Variants in ITPKC observed in about 807,000 individuals in gnomAD.
The protein encoded by ITPKC is IP3 3-kinase C.
In ITPKC, 33 loss-of-function variants were observed where a neutral mutation model predicts 67.1. The observed-to-expected ratio is 0.49, with a 90% CI of 0.37 to 0.66. The LOEUF is 0.66. Among genes scored for constraint, ITPKC ranks in the 30% least tolerant of loss-of-function variants. The pLI is 0.00. For missense variants in ITPKC, 820 were observed against 892.1 expected (o/e 0.92, Z 1.03); for synonymous variants, 341 against 359.8 (o/e 0.95, Z 0.59).
intron 5 of ITPKC, among the ~76,000 whole-genome samples, chr19:40,737,479 G>T (rs538636921): frequency 6.6e-6 from 1 of 152,206 alleles, no homozygotes; most frequent in Non-Finnish European, 1.5e-5. Flanking sequence ...CTCCGCCTCC[G>T]GATGGGAGTG....
chr19:40,717,187 C>T lies in ITPKC; in HGVS notation c.52C>T (p.Leu18=). 8.2e-7 allele frequency: 1 copy of T among 1,225,822 alleles called. No homozygotes were observed. Among genetic ancestry groups the T allele is most frequent in the Non-Finnish European group, 1.0e-6 (1 of 984,374 alleles). The allele number at this position is 1,225,822 out of a possible 1,614,324, so 75.9% of individuals were successfully genotyped here. ...CCTGAACGAGGCGGAGGCCGGGGCG[C>T]TGCCCGCGGCGGCCCGCATGGGACT... The part of the protein sequence containing the change: ...GSLNEAEAGA[L]PAAARMGLEA... The change falls in exon 1 of 7, where the codon CTG becomes TTG. Residue 18 remains leucine, a synonymous_variant. Coordinates refer to ENST00000263370, the MANE Select transcript of ITPKC (RefSeq NM_025194.3).
At position 40,739,435 on chromosome 19, in the gene ITPKC, G is replaced by A; in HGVS notation, c.1927G>A (p.Val643Met). The change falls in exon 7 of 7, where the codon GTG becomes ATG. Residue 643 changes from valine (V) to methionine (M), a missense_variant. This residue lies in a region of ITPKC where 339 missense variants were observed against 422.0 expected (regional missense o/e 0.80). Transcript: ENST00000263370. The part of the protein sequence containing the change: ...KVWMIDFGKT[V>M]ALPDHQTLSH... The stretch of plus-strand genomic sequence containing the variant: ...CTGGATGATAGACTTCGGCAAGACG[G>A]TGGCCTTGCCCGACCACCAGACGCT... The A allele has an allele frequency of 6.2e-7, 1 of 1,613,628 alleles. No homozygotes were observed. The highest frequency in any genetic ancestry group is 8.5e-7 in the Non-Finnish European group (1 of 1,179,992).
In ITPKC at chr19:40,725,400, C is replaced by T. The variant is rs1251089652; in HGVS notation, c.1216C>T (p.Arg406Ter). Reference protein sequence around the residue: ...LKYSPFVVSFRKHYPWVQLSG... With the variant: ...LKYSPFVVSF ...GTATTCACCCTTTGTGGTCTCCTTCCGAAAACACTACCCTTGGGTCCAGCT... is the reference window on the plus strand; with the variant it reads ...GTATTCACCCTTTGTGGTCTCCTTCTGAAAACACTACCCTTGGGTCCAGCT... The change falls in exon 2 of 7, where the codon CGA (arginine) becomes TGA (stop). Residue 406 changes from arginine to a stop codon, truncating the protein, a stop_gained. Coordinates refer to ENST00000263370, the MANE Select transcript of ITPKC (RefSeq NM_025194.3). LOFTEE classifies it high-confidence loss of function. 7 of 1,613,582 alleles carry T rather than the reference C, an allele frequency of 4.3e-6. No individual in the cohort carries two copies. The highest frequency in any genetic ancestry group is 1.3e-5 in the African/African-American group (1 of 74,920).
At position 40,729,608 on chromosome 19, in the gene ITPKC, A is replaced by G. The variant is rs2082261594; in HGVS notation, c.1469+193A>G. ...TGGTGAAGCCCTGTCTCTACTAAAA[A>G]TACAAAAAATTAGCCAGGCGTGGTG... On this transcript the variant is annotated intron_variant, in intron 3 of 6. Coordinates refer to ENST00000263370, the MANE Select transcript of ITPKC (RefSeq NM_025194.3). Among the ~76,000 whole-genome samples, 4 of 152,248 alleles carry G rather than the reference A, an allele frequency of 2.6e-5. No individual in the cohort carries two copies. The South Asian group carries it at 8.3e-4, about 32-fold the overall frequency.
chr19:40,733,274 C>G lies in ITPKC; in HGVS notation c.1584C>G (p.Ala528=). The G allele has an allele frequency of 6.2e-7, 1 of 1,614,096 alleles. No individual in the cohort carries two copies. The highest frequency in any genetic ancestry group is 8.5e-7 in the Non-Finnish European group (1 of 1,179,998). ...GGGCCCCTACCCCTGAGGAGCATGC[C>G]CAGGGTGCAGTCACCAAGCCCCGCT... ...DPGAPTPEEH[A]QGAVTKPRYM... is the part of the protein sequence containing the mutation. The change falls in exon 4 of 7, where the codon GCC becomes GCG. Residue 528 remains alanine, a synonymous_variant. Coordinates refer to ENST00000263370, the MANE Select transcript of ITPKC (RefSeq NM_025194.3).
chr19:40,726,072 C>T (rs1277443698), intron 2 of ITPKC, among the ~76,000 whole-genome samples: 1 of 152,058 alleles, frequency 6.6e-6, no homozygotes, highest in Non-Finnish European at 1.5e-5. Context: ...GAAATCCCTT[C>T]TCTACTAAAA....
At chr19:40,731,047 C>T (rs560254827) in intron 3 of ITPKC, among the ~76,000 whole-genome samples, 1 of 152,320 alleles carries the variant, frequency 6.6e-6, no homozygotes, top group South Asian at 2.1e-4. Flanking sequence ...TTGGAGTTCC[C>T]ATGTCCTCCT....
Position 40,725,455 on chromosome 19 carries a change from GTGGACAGAGC to G in ITPKC, c.1255+20_1255+29del. 6.5e-7 allele frequency: 1 copy of G among 1,547,762 alleles called. No homozygotes were observed. Among genetic ancestry groups the G allele is most frequent in the Non-Finnish European group, 8.9e-7 (1 of 1,119,354 alleles). Reference sequence around the variant, plus strand: ...GGACATGCTGGTAAGTGGGGTGGTGGTGGACAGAGCTGGGCAGAGTCTCCTGGGCCAGGGA... The same window carrying G: ...GGACATGCTGGTAAGTGGGGTGGTGGTGGGCAGAGTCTCCTGGGCCAGGGA... On this transcript the variant is annotated intron_variant, in intron 2 of 6. Transcript: ENST00000263370.
rs763588386 is a variant in ITPKC, at chr19:40,717,585, C to G, written c.450C>G (p.His150Gln). ...CAGATGGCCTTTGGACTGATCCGCA[C>G]AGGTCCGACCTCCAGTTTCAGCCCG... is the stretch of plus-strand genomic sequence containing the variant. ...TGTDGLWTDP[H>Q]RSDLQFQPEE... Residue 150 changes from histidine (H) to glutamine (Q), a missense_variant, in exon 1 of 7, where the codon CAC becomes CAG. Around this residue, in one of 2 missense-constraint regions of ITPKC, gnomAD observed 481 missense variants for 470.1 expected, o/e 1.02. Transcript: ENST00000263370. 1.2e-5 allele frequency: 20 copies of G among 1,614,152 alleles called. 1 individual carries two copies. In the African/African-American group the frequency reaches 2.0e-4, roughly 16 times the overall value.
At position 40,718,102 on chromosome 19, in the gene ITPKC, C is replaced by CCCCTGTG; in HGVS notation, c.978_984dup (p.Arg329CysfsTer9). 1.9e-6 allele frequency: 3 copies of CCCCTGTG among 1,613,440 alleles called. No homozygotes were observed. The highest frequency in any genetic ancestry group is 2.5e-6 in the Non-Finnish European group (3 of 1,179,962). ...CCTGTACTCTCACCTGAAGTGTAGC[C>CCCCTGTG]CCCTGTGCCCTGTGCCCCGCCTCAT... On this transcript the variant is annotated frameshift_variant, in exon 1 of 7. Coordinates refer to ENST00000263370, the MANE Select transcript of ITPKC (RefSeq NM_025194.3). LOFTEE classifies it high-confidence loss of function.
chr19:40,718,016 T>A lies in ITPKC; in HGVS notation c.881T>A (p.Leu294His), dbSNP rs750816910. ...GSQTAPGTDCLLGEPEDGPLE... is the reference protein window; with the variant it reads ...GSQTAPGTDCHLGEPEDGPLE... ...CAGACAGCACCTGGGACAGACTGCC[T>A]CTTGGGAGAGCCTGAGGATGGCCCA... The change falls in exon 1 of 7, where the codon CTC becomes CAC. Residue 294 changes from leucine to histidine, a missense_variant. Physicochemically the swap from Leu to His is moderately conservative, Grantham distance 99. This residue lies in a region of ITPKC where 481 missense variants were observed against 470.1 expected (regional missense o/e 1.02). Transcript: ENST00000263370. The A allele has an allele frequency of 6.8e-6, 11 of 1,613,980 alleles. No homozygotes were observed. Among genetic ancestry groups the A allele is most frequent in the African/African-American group, 2.7e-5 (2 of 74,878 alleles).
In ITPKC at chr19:40,735,341, A is replaced by AT. The variant is rs112089538; in HGVS notation, c.1675-1631dup. Among the ~76,000 whole-genome samples the AT allele has an allele frequency of 5.9e-3, 821 of 139,854 alleles. 2 individuals carry two copies. Among genetic ancestry groups the AT allele is most frequent in the Middle Eastern group, 0.011 (3 of 270 alleles). The allele number at this position is 139,854 out of a possible 152,430, so 91.7% of individuals were successfully genotyped here. A position where few individuals can be genotyped will look rare whatever the true frequency, so the allele number is the denominator to read the frequency against. ...ACCCCTCTGCCAGGAATGCTCTTCTATTTTTTTTTTTTTTGAGACAGGGTC... is the reference window on the plus strand; with the variant it reads ...ACCCCTCTGCCAGGAATGCTCTTCTATTTTTTTTTTTTTTTGAGACAGGGTC... On this transcript the variant is annotated intron_variant, in intron 4 of 6. Coordinates refer to ENST00000263370, the MANE Select transcript of ITPKC (RefSeq NM_025194.3).
At chr19:40,719,219 CAT>C (rs1266188812) in intron 1 of ITPKC, among the ~76,000 whole-genome samples, 2 of 152,170 alleles carry the variant, frequency 1.3e-5, no homozygotes, top group African/African-American at 4.8e-5. Context: ...CGTGTTCACA[CAT>C]GTGGCCCTAG....
At chr19:40,734,562 A>G (rs1439901321) in intron 4 of ITPKC, among the ~76,000 whole-genome samples, 2 of 151,794 alleles carry the variant, frequency 1.3e-5, no homozygotes, top group Non-Finnish European at 2.9e-5. Flanking sequence ...GTGAAGTTCC[A>G]TAGCCTGTAG....
chr19:40,721,951 A>G (rs2082224520), intron 1 of ITPKC, among the ~76,000 whole-genome samples: 1 of 151,886 alleles, frequency 6.6e-6, no homozygotes, highest in Non-Finnish European at 1.5e-5. Flanking sequence ...CAGTGAGCCA[A>G]GATCACACCT....
At position 40,740,399 on chromosome 19, in the gene ITPKC, G is replaced by C. The variant is rs1010135231; in HGVS notation, c.*839G>C. 1 of 170,260 alleles carries C rather than the reference G, an allele frequency of 5.9e-6. No homozygotes were observed. Among genetic ancestry groups the C allele is most frequent in the Non-Finnish European group, 1.3e-5 (1 of 79,426 alleles). 10.5% of individuals were successfully genotyped at this position (170,260 alleles called of 1,614,324 possible). ...AGCAAACTGCAGTGGCAGAAAGGAG[G>C]TTCAGAGGCTGGGAAAGTGGGCCTC... On this transcript the variant is annotated 3_prime_UTR_variant, in exon 7 of 7. Coordinates refer to ENST00000263370, the MANE Select transcript of ITPKC (RefSeq NM_025194.3).
At chr19:40,718,805 A>AT (rs1245926945) in intron 1 of ITPKC, among the ~76,000 whole-genome samples, 3 of 152,114 alleles carry the variant, frequency 2.0e-5, no homozygotes, top group Non-Finnish European at 4.4e-5. Flanking sequence ...GAGCAAAGCG[A>AT]TTCCCCCAGC....
rs2082314591 is a variant in ITPKC at position 40,739,675 on chromosome 19, A to G, written c.*115A>G. On this transcript the variant is annotated 3_prime_UTR_variant, in exon 7 of 7. Coordinates refer to ENST00000263370, the MANE Select transcript of ITPKC (RefSeq NM_025194.3). The stretch of plus-strand genomic sequence containing the variant: ...GGGAGCTGGCCTCCAGGGACGGGAG[A>G]GATTGTGTCATGTGCCACACGAGAC... The G allele has an allele frequency of 2.2e-6, 2 of 896,312 alleles. No homozygotes were observed. The highest frequency in any genetic ancestry group is 3.4e-6 in the Non-Finnish European group (2 of 592,068). 55.5% of individuals were successfully genotyped at this position (896,312 alleles called of 1,614,324 possible).
In ITPKC at chr19:40,739,492, C is replaced by T. The variant is rs2082313229; in HGVS notation, c.1984C>T (p.Arg662Cys). The change falls in exon 7 of 7, where the codon CGT becomes TGT. Residue 662 changes from arginine to cysteine, a missense_variant. This residue lies in a region of ITPKC where 339 missense variants were observed against 422.0 expected (regional missense o/e 0.80). Transcript: ENST00000263370. ...CAGGCTGCCCTGGGCTGAGGGCAACCGTGAGGACGGCTACCTCTGGGGCCT... is the reference window on the plus strand; with the variant it reads ...CAGGCTGCCCTGGGCTGAGGGCAACTGTGAGGACGGCTACCTCTGGGGCCT... ...SHRLPWAEGN[R>C]EDGYLWGLDN... 4.3e-6 allele frequency: 7 copies of T among 1,613,678 alleles called. No individual in the cohort carries two copies. Among genetic ancestry groups the T allele is most frequent in the Non-Finnish European group, 5.9e-6 (7 of 1,180,038 alleles).
Sources: gnomAD v4.1 joint callset for allele counts (sites outside exome capture counted in the v4.1 genomes callset) on GRCh38, gnomAD v4.1.1 for gene constraint, gnomAD v4.1.1 regional missense constraint, MANE v1.5 for transcripts, NCBI Gene and HGNC (gene_info 2026-07-23, HGNC 2026-07-21) for gene names.